The following SLC24A2 variants were observed in gnomAD, a reference collection of about 807,000 sequenced individuals.
The protein encoded by SLC24A2 is sodium/potassium/calcium exchanger 2.
SLC24A2 carries 36 observed loss-of-function variants against 62.0 expected under a neutral mutation model. That is an observed-to-expected ratio of 0.58 (90% CI 0.44 to 0.77). The LOEUF (loss-of-function observed/expected upper bound fraction) is 0.77, where lower values mean the gene tolerates loss of function less well. Among genes scored for constraint, SLC24A2 ranks in the 30% least tolerant of loss-of-function variants. SLC24A2 has a pLI of 0.00. For synonymous variants in SLC24A2, 358 were observed against 294.0 expected, an observed-to-expected ratio of 1.22 and a Z score of -2.23; for missense variants, 846 against 817.9, an observed-to-expected ratio of 1.03 and a Z score of -0.42.
rs1834526710 is a variant in SLC24A2 at position 19,545,657 on chromosome 9, G to GTGAC, written c.1479+4476_1479+4479dup. Among the ~76,000 whole-genome samples, 5 of 134,960 alleles carry GTGAC rather than the reference G, an allele frequency of 3.7e-5. No individual in the cohort carries two copies. The Admixed American group carries it at 3.8e-4, about 10-fold the overall frequency. The allele number at this position is 134,960 out of a possible 152,430, so 88.5% of individuals were successfully genotyped here. On this transcript the variant is annotated intron_variant, in intron 8 of 10. Transcript: ENST00000341998. ...TTTAGTTTTTTTTTCTTTTTTTTTT[G>GTGAC]TGACAGAGTCTCATTCTGTTGCTTA...
At chr9:20,153,669 A>C in the SLC24A2 span, among the ~76,000 whole-genome samples, 5 of 151,702 alleles carry the variant, frequency 3.3e-5, no homozygotes, top group East Asian at 5.9e-4. Flanking sequence ...CTAATATAAC[A>C]CTTCTTCAGT....
Position 19,785,932 on chromosome 9 carries a change from C to T in SLC24A2, c.930+5G>A. On this transcript the variant is annotated splice_donor_5th_base_variant and intron_variant, in intron 2 of 10. Transcript: ENST00000341998. Reference sequence around the variant, plus strand: ...AGCATTAAATAAAAATCCACCACCACCAACCTTTGCTTGGGCTTCTGGTGC... The same window carrying T: ...AGCATTAAATAAAAATCCACCACCATCAACCTTTGCTTGGGCTTCTGGTGC... 1 of 1,614,188 alleles carries T rather than the reference C, an allele frequency of 6.2e-7. No individual in the cohort carries two copies. The highest frequency in any genetic ancestry group is 8.5e-7 in the Non-Finnish European group (1 of 1,180,010).
chr9:19,552,938 T>C (rs145644660), intron 7 of SLC24A2, among the ~76,000 whole-genome samples: 275 of 152,238 alleles, frequency 1.8e-3, no homozygotes, highest in African/African-American at 6.3e-3. Context: ...CAAAGCTGCA[T>C]TGGAGGTAGC....
chr9:20,295,780 G>A, the SLC24A2 span, among the ~76,000 whole-genome samples: 1,104 of 152,242 alleles, frequency 7.3e-3, 15 homozygotes, highest in African/African-American at 0.025. Flanking sequence ...AGGTTCTAAG[G>A]CTTTTGAACT....
At chr9:20,239,783 A>G in the SLC24A2 span, among the ~76,000 whole-genome samples, 1 of 152,234 alleles carries the variant, frequency 6.6e-6, no homozygotes. Context: ...TGCTTAACAC[A>G]TAGTAGCACA....
At chr9:20,115,698 G>A in the SLC24A2 span, among the ~76,000 whole-genome samples, 1 of 152,138 alleles carries the variant, frequency 6.6e-6, no homozygotes, top group Admixed American at 6.6e-5. Flanking sequence ...ACCCTGTTAT[G>A]AAACTCACTG....
At chr9:19,892,940 G>C in the SLC24A2 span, among the ~76,000 whole-genome samples, 1 of 152,154 alleles carries the variant, frequency 6.6e-6, no homozygotes, top group Non-Finnish European at 1.5e-5. Context: ...TAGATCATGA[G>C]AGGGACAAGT....
At chr9:19,521,094 T>C in intron 9 of SLC24A2, 34 bp from the exon 10 acceptor site, 1 of 1,609,346 alleles carries the variant, frequency 6.2e-7, no homozygotes, top group South Asian at 1.1e-5. Flanking sequence ...CATCTCAGTG[T>C]TTGAAGTTAC....
At chr9:20,280,120 C>T in the SLC24A2 span, among the ~76,000 whole-genome samples, 13 of 152,260 alleles carry the variant, frequency 8.5e-5, no homozygotes, top group African/African-American at 3.1e-4. Context: ...GATGGGGATT[C>T]TTGAAAAAGT....
chr9:20,247,676 T>G, the SLC24A2 span, among the ~76,000 whole-genome samples: 8 of 152,214 alleles, frequency 5.3e-5, no homozygotes, highest in Non-Finnish European at 8.8e-5. Context: ...AAGTCTATAG[T>G]ATGGTGTTAT....
chr9:19,535,346 CTTTA>C (rs1443279346), intron 8 of SLC24A2, among the ~76,000 whole-genome samples: 2 of 152,158 alleles, frequency 1.3e-5, no homozygotes, highest in African/African-American at 4.8e-5. Context: ...TGCAGAAGCT[CTTTA>C]GTTTAATGAG....
the SLC24A2 span, among the ~76,000 whole-genome samples, chr9:20,114,715 GT>G: frequency 6.6e-6 from 1 of 152,082 alleles, no homozygotes; most frequent in South Asian, 2.1e-4. Flanking sequence ...AACCAGTGGG[GT>G]CACGCCCTTC....
At chr9:20,093,297 C>A in the SLC24A2 span, among the ~76,000 whole-genome samples, 12 of 152,012 alleles carry the variant, frequency 7.9e-5, no homozygotes, top group African/African-American at 2.7e-4. Flanking sequence ...GTCTCGAACT[C>A]CTGACCTCAG....
the SLC24A2 span, among the ~76,000 whole-genome samples, chr9:20,031,804 A>G: frequency 6.6e-6 from 1 of 152,188 alleles, no homozygotes; most frequent in East Asian, 1.9e-4. Flanking sequence ...GGACTCAGCT[A>G]CAAGTCACCT....
At chr9:19,690,916 T>TGAGAGA (rs879313636) in intron 2 of SLC24A2, among the ~76,000 whole-genome samples, 52 of 125,046 alleles carry the variant, frequency 4.2e-4, no homozygotes, top group South Asian at 6.0e-4. Flanking sequence ...TGTGTGTGCG[T>TGAGAGA]GTGAGAGAGA....
At chr9:20,147,103 C>CT in the SLC24A2 span, among the ~76,000 whole-genome samples, 3 of 152,160 alleles carry the variant, frequency 2.0e-5, no homozygotes, top group African/African-American at 7.2e-5. Flanking sequence ...TCCTGGTTTA[C>CT]TGTTTACCTT....
intron 7 of SLC24A2, among the ~76,000 whole-genome samples, chr9:19,563,448 C>A (rs79230752): frequency 0.01 from 1,551 of 152,234 alleles, 26 homozygotes; most frequent in African/African-American, 0.034. Flanking sequence ...TTAAACCTCA[C>A]CACTGCTAAG....
At chr9:20,270,269 T>C in the SLC24A2 span, among the ~76,000 whole-genome samples, 43 of 152,264 alleles carry the variant, frequency 2.8e-4, no homozygotes, top group Middle Eastern at 3.4e-3. Context: ...GCATGCATTT[T>C]GGTGGGAATA....
chr9:19,832,427 A>G, the SLC24A2 span, among the ~76,000 whole-genome samples: 1 of 152,206 alleles, frequency 6.6e-6, no homozygotes, highest in African/African-American at 2.4e-5. Flanking sequence ...ATGATCAACC[A>G]AGTCATGTTG....
Sources: allele counts gnomAD v4.1 joint callset (sites outside exome capture counted in the v4.1 genomes callset), GRCh38; gene constraint gnomAD v4.1.1; transcripts MANE v1.5; gene names NCBI Gene and HGNC (gene_info 2026-07-23, HGNC 2026-07-21).